Variants in SCARA3 observed in about 807,000 individuals in gnomAD.
SCARA3 encodes the protein scavenger receptor class A member 3, also known as cellular stress response gene protein.
Under a neutral mutation model 47.0 loss-of-function variants are expected in SCARA3, and 39 were observed. That is an observed-to-expected ratio of 0.83 (90% CI 0.64 to 1.08). The LOEUF (loss-of-function observed/expected upper bound fraction) is 1.08. Among genes scored for constraint, SCARA3 ranks in the 50% least tolerant of loss-of-function variants. The probability of loss-of-function intolerance (pLI) is 0.00; values close to 1 mark genes in which losing one functional copy is unlikely to be tolerated. For missense variants in SCARA3, 724 were observed against 792.3 expected (o/e 0.91, Z 1.04); for synonymous variants, 356 against 334.1 (o/e 1.07, Z -0.71).
Position 27,649,876 on chromosome 8 carries a change from G to A in SCARA3, c.106+76G>A, listed in dbSNP as rs1801595302. ...TGTCTCCATCCCCAGGCCAGTGAGA[G>A]ATTTGTCTCTTTAGGTGGTTTCAAA... On this transcript the variant is annotated intron_variant, in intron 2 of 5. Transcript: ENST00000301904. 26 of 1,310,206 alleles carry A rather than the reference G, an allele frequency of 2.0e-5. 2 individuals carry two copies. In the South Asian group the frequency reaches 3.4e-4, roughly 17 times the overall value. 81.2% of individuals were successfully genotyped at this position (1,310,206 alleles called of 1,614,324 possible). A position where few individuals can be genotyped will look rare whatever the true frequency, so the allele number is the denominator to read the frequency against.
chr8:27,663,324 T>G (rs1467746024), intron 5 of SCARA3, among the ~76,000 whole-genome samples: 2 of 152,236 alleles, frequency 1.3e-5, no homozygotes. Flanking sequence ...GAATCTTCTC[T>G]TCCTCCATCA....
At chr8:27,685,685 G>GC in the SCARA3 span, among the ~76,000 whole-genome samples, 2 of 152,134 alleles carry the variant, frequency 1.3e-5, no homozygotes, top group Admixed American at 6.5e-5. Context: ...GACATGACCT[G>GC]CCCCCGTTAT....
the SCARA3 span, among the ~76,000 whole-genome samples, chr8:27,721,250 C>G: frequency 6.6e-6 from 1 of 152,090 alleles, no homozygotes; most frequent in Non-Finnish European, 1.5e-5. Flanking sequence ...ACATATATAT[C>G]TGTATTTGCT....
the SCARA3 span, among the ~76,000 whole-genome samples, chr8:27,699,888 C>T: frequency 0.068 from 10,304 of 152,200 alleles, 499 homozygotes; most frequent in Non-Finnish European, 0.1. Context: ...ACATTGAGAT[C>T]CAGAAATAGA....
intron 1 of SCARA3, among the ~76,000 whole-genome samples, chr8:27,635,095 A>G (rs1204660308): frequency 6.6e-6 from 1 of 152,164 alleles, no homozygotes; most frequent in African/African-American, 2.4e-5. Context: ...CTGCTTATGG[A>G]AAGTAGAAAC....
Position 27,671,181 on chromosome 8 carries a change from C to A in SCARA3, c.1651C>A (p.Pro551Thr), listed in dbSNP as rs35928641. The A allele has an allele frequency of 8.6e-6, 13 of 1,516,010 alleles. No homozygotes were observed. The African/African-American group carries it at 1.6e-4, about 18-fold the overall frequency. The allele number at this position is 1,516,010 out of a possible 1,614,324, so 93.9% of individuals were successfully genotyped here. A position where few individuals can be genotyped will look rare whatever the true frequency, so the allele number is the denominator to read the frequency against. The change falls in exon 6 of 6, where the codon CCC (proline) becomes ACC (threonine). Residue 551 changes from proline to threonine, a missense_variant. Physicochemically the swap from Pro to Thr is conservative, Grantham distance 38. Transcript: ENST00000301904. ...GDIGPPGPEG[P>T]PGSPGPSGPQ... ...CATAGGGCCCCCAGGGCCAGAAGGGCCCCCGGGGTCTCCAGGGCCCTCAGG... is the reference window on the plus strand; with the variant it reads ...CATAGGGCCCCCAGGGCCAGAAGGGACCCCGGGGTCTCCAGGGCCCTCAGG...
intron 5 of SCARA3, among the ~76,000 whole-genome samples, chr8:27,670,276 CAG>C (rs2128923759): frequency 1.3e-5 from 2 of 152,316 alleles, no homozygotes; most frequent in South Asian, 4.2e-4. Flanking sequence ...CAGGGCCCAC[CAG>C]AGAGTACCCA....
At chr8:27,708,447 A>G in the SCARA3 span, among the ~76,000 whole-genome samples, 1 of 152,204 alleles carries the variant, frequency 6.6e-6, no homozygotes, top group Non-Finnish European at 1.5e-5. Context: ...TGATTCAACT[A>G]TATTGAGAGG....
rs1235377397 is a variant in SCARA3 at position 27,634,109 on chromosome 8, TC to T, written c.-90del. On this transcript the variant is annotated 5_prime_UTR_variant, in exon 1 of 6. Transcript: ENST00000301904. ...CCGCGGGCGGCGCCTAGGACGGCGA[TC>T]CGCGCCCTGGAGGATCCGCCGGCCG... is the stretch of plus-strand genomic sequence containing the variant. 12 of 1,269,734 alleles carry T rather than the reference TC, an allele frequency of 9.5e-6. No individual in the cohort carries two copies. The highest frequency in any genetic ancestry group is 1.1e-5 in the Non-Finnish European group (11 of 977,196). The allele number at this position is 1,269,734 out of a possible 1,614,324, so 78.7% of individuals were successfully genotyped here. A position where few individuals can be genotyped will look rare whatever the true frequency, so the allele number is the denominator to read the frequency against.
At chr8:27,718,749 A>G in the SCARA3 span, among the ~76,000 whole-genome samples, 1 of 152,248 alleles carries the variant, frequency 6.6e-6, no homozygotes, top group African/African-American at 2.4e-5. Context: ...CAGAATTTCA[A>G]AATACCCAGA....
At chr8:27,726,933 C>T in the SCARA3 span, among the ~76,000 whole-genome samples, 5 of 151,994 alleles carry the variant, frequency 3.3e-5, no homozygotes, top group African/African-American at 1.2e-4. Flanking sequence ...GCCATCACAC[C>T]TGGCTAATTT....
At chr8:27,679,316 T>A (rs991023838), downstream of SCARA3, among the ~76,000 whole-genome samples, 1 of 152,112 alleles carries the variant, frequency 6.6e-6, no homozygotes, top group African/African-American at 2.4e-5. Flanking sequence ...AAAACATGTT[T>A]TGTTAAAGGG....
the SCARA3 span, among the ~76,000 whole-genome samples, chr8:27,687,602 T>C: frequency 6.6e-6 from 1 of 152,120 alleles, no homozygotes; most frequent in Non-Finnish European, 1.5e-5. Context: ...ATTTATCACT[T>C]ATTCAACACT....
intron 1 of SCARA3, among the ~76,000 whole-genome samples, chr8:27,645,421 G>C (rs1262905467): frequency 1.3e-5 from 2 of 152,276 alleles, no homozygotes; most frequent in African/African-American, 4.8e-5. Context: ...AAACTGCTAG[G>C]AGCGTGACCT....
the SCARA3 span, among the ~76,000 whole-genome samples, chr8:27,686,013 T>G: frequency 6.6e-6 from 1 of 152,304 alleles, no homozygotes; most frequent in Middle Eastern, 3.4e-3. Context: ...AAAAGAGGAC[T>G]GAAGAGATAC....
the SCARA3 span, chr8:27,703,114 G>A: frequency 6.6e-6 from 1 of 152,372 alleles, no homozygotes; most frequent in Non-Finnish European, 1.5e-5. Context: ...CCCTGGCCCA[G>A]GGTCCAGAGC....
At chr8:27,668,998 G>A (rs1050597900) in intron 5 of SCARA3, among the ~76,000 whole-genome samples, 9 of 152,286 alleles carry the variant, frequency 5.9e-5, no homozygotes, top group East Asian at 1.9e-4. Flanking sequence ...TTGTCCCAGC[G>A]AGTCTTCTCA....
Position 27,649,743 on chromosome 8 carries a change from G to A in SCARA3, c.49G>A (p.Glu17Lys). The change falls in exon 2 of 6, where the codon GAA becomes AAA. Residue 17 changes from glutamate to lysine, a missense_variant. Transcript: ENST00000301904. ...GGDGDALCVT[E>K]EDLAGDDEDM... is the part of the protein sequence containing the mutation. ...CGATGGAGATGCCTTGTGCGTTACA[G>A]AAGAGGACCTGGCGGGTGACGACGA... The A allele has an allele frequency of 6.2e-7, 1 of 1,614,198 alleles. No homozygotes were observed. The highest frequency in any genetic ancestry group is 8.5e-7 in the Non-Finnish European group (1 of 1,180,032).
the SCARA3 span, among the ~76,000 whole-genome samples, chr8:27,715,824 TGATAGATAGATAGATAGATAGATA>T: frequency 1.7e-5 from 2 of 118,836 alleles, no homozygotes; most frequent in African/African-American, 5.8e-5. This position sits in a 1 kb window ranked among gnomAD's most constrained non-coding sequence, Gnocchi z 4.2. Flanking sequence ...GATAGATAGA[TGATAGATAGATAGATAGATAGATA>T]GATAGATAGA....
Sources: allele counts gnomAD v4.1 joint callset (sites outside exome capture counted in the v4.1 genomes callset), GRCh38; gene constraint gnomAD v4.1.1; non-coding constraint Gnocchi (gnomAD v3.1); transcripts MANE v1.5; gene names NCBI Gene and HGNC (gene_info 2026-07-23, HGNC 2026-07-21).